The following MYOM2 variants were observed in gnomAD, a reference collection of about 807,000 sequenced individuals.
MYOM2 encodes myomesin 2.
Under a neutral mutation model 187.6 loss-of-function variants are expected in MYOM2, and 254 were observed. That is an observed-to-expected ratio of 1.35 (90% CI 1.22 to 1.50). The LOEUF (loss-of-function observed/expected upper bound fraction) is 1.50. MYOM2 is among the 40% of genes most tolerant of loss of function. The pLI is 0.00. For missense variants in MYOM2, 2,796 were observed against 1,924.0 expected, an observed-to-expected ratio of 1.45 and a Z score of -8.48; for synonymous variants, 981 against 753.8, an observed-to-expected ratio of 1.30 and a Z score of -4.94.
At position 2,106,474 on chromosome 8, in the gene MYOM2, C is replaced by T; in HGVS notation, c.2892-17C>T. 3.7e-6 allele frequency: 6 copies of T among 1,610,378 alleles called. No individual in the cohort carries two copies. Among genetic ancestry groups the T allele is most frequent in the Non-Finnish European group, 5.1e-6 (6 of 1,176,848 alleles). ...AACAGAAATGATCGACATTCACCTA[C>T]TCTTCTTCCTTTTTAGCTCCAAGCT... On this transcript the variant is annotated splice_polypyrimidine_tract_variant and intron_variant, in intron 22 of 36. Coordinates refer to ENST00000262113, the MANE Select transcript of MYOM2 (RefSeq NM_003970.4).
At chr8:2,093,157 C>G (rs906853975) in intron 16 of MYOM2, among the ~76,000 whole-genome samples, 4 of 152,136 alleles carry the variant, frequency 2.6e-5, no homozygotes, top group Admixed American at 6.5e-5. Flanking sequence ...TCAATTATGG[C>G]TCAGCCATTT....
chr8:2,086,875 C>T (rs563187626), intron 14 of MYOM2, among the ~76,000 whole-genome samples: 20 of 152,142 alleles, frequency 1.3e-4, no homozygotes, highest in African/African-American at 3.9e-4. Context: ...GGGTGGCAAT[C>T]GTGTAGAGGA....
chr8:2,097,383 G>T (rs536423574), intron 18 of MYOM2, among the ~76,000 whole-genome samples: 2 of 152,024 alleles, frequency 1.3e-5, no homozygotes, highest in African/African-American at 4.8e-5. Context: ...ATAATTGTAC[G>T]TATGGGGTAC....
intron 21 of MYOM2, among the ~76,000 whole-genome samples, chr8:2,103,323 G>A (rs1456272213): frequency 6.6e-6 from 1 of 151,718 alleles, no homozygotes; most frequent in East Asian, 1.9e-4. Flanking sequence ...GAGTGGGAGA[G>A]TGTACATATA....
intron 31 of MYOM2, among the ~76,000 whole-genome samples, chr8:2,125,711 G>A (rs1563073152): frequency 7.0e-6 from 1 of 143,732 alleles, no homozygotes; most frequent in East Asian, 2.2e-4. Context: ...GGGTTCAAGC[G>A]ATTTTCCTAC....
At chr8:2,072,968 C>T (rs1417748480) in intron 9 of MYOM2, among the ~76,000 whole-genome samples, 1 of 152,188 alleles carries the variant, frequency 6.6e-6, no homozygotes, top group Non-Finnish European at 1.5e-5. Context: ...ACAGTAGCCC[C>T]TTCAGCTGCA....
intron 25 of MYOM2, 129 bp downstream of exon 25, chr8:2,109,660 A>G: frequency 9.9e-7 from 1 of 1,009,818 alleles, no homozygotes. Flanking sequence ...TGGGGCATGG[A>G]AGGTTGACAA....
rs1819551359 is a variant in MYOM2 at position 2,079,578 on chromosome 8, A to C, written c.1481A>C (p.Glu494Ala). ...RRLQAVHLEGEKEIAIYQDDL... is the reference protein window; with the variant it reads ...RRLQAVHLEGAKEIAIYQDDL... ...TCCGCAGCCGTTCATTTGGAGGGAG[A>C]GAAGGAGATTGCCATTTATCAGGAT... Residue 494 changes from glutamate (E) to alanine (A), a missense_variant, in exon 13 of 37, where the codon GAG becomes GCG. Transcript: ENST00000262113. 6.2e-7 allele frequency: 1 copy of C among 1,614,116 alleles called. No homozygotes were observed.
chr8:2,096,139 C>T (rs889308592), intron 17 of MYOM2, 108 bp from the exon 18 acceptor site: 31 of 1,031,456 alleles, frequency 3.0e-5, no homozygotes, highest in South Asian at 1.6e-4. Flanking sequence ...TGTTCAGGCC[C>T]GTCTCCACGT....
rs780433658 is a variant in MYOM2, at chr8:2,096,775, G to A, written c.2313+341G>A. Among the ~76,000 whole-genome samples, 13 of 152,284 alleles carry A rather than the reference G, an allele frequency of 8.5e-5. No homozygotes were observed. In the South Asian group the frequency reaches 1.7e-3, roughly 19 times the overall value. On this transcript the variant is annotated intron_variant, in intron 18 of 36. Transcript: ENST00000262113. ...GGCAGGGACGGAGTCTCACATGTGT[G>A]CCTGAGGGGAGGGTCACGCTGAATG...
At chr8:2,088,729 G>A (rs900361107) in intron 14 of MYOM2, among the ~76,000 whole-genome samples, 6 of 152,238 alleles carry the variant, frequency 3.9e-5, no homozygotes, top group African/African-American at 1.4e-4. Flanking sequence ...GGTAATACAA[G>A]TGCATGCATC....
chr8:2,142,544 G>T (rs558195039), intron 35 of MYOM2, 147 bp downstream of exon 35: 2 of 812,388 alleles, frequency 2.5e-6, no homozygotes, highest in Non-Finnish European at 4.3e-6. Context: ...ACCACACCCT[G>T]TCCTGGAGCC....
At chr8:2,132,940 A>G (rs61215032) in intron 32 of MYOM2, among the ~76,000 whole-genome samples, 4 of 151,892 alleles carry the variant, frequency 2.6e-5, no homozygotes, top group Non-Finnish European at 5.9e-5. Flanking sequence ...TGGGAGGGGC[A>G]GTGGCTGGCC....
At chr8:2,143,483 G>T (rs374522700) in intron 36 of MYOM2, 27 bp downstream of exon 36, 15 of 1,613,868 alleles carry the variant, frequency 9.3e-6, no homozygotes, top group East Asian at 2.2e-5. Context: ...CGGCCGGGGT[G>T]GGGGTGTCAG....
intron 11 of MYOM2, among the ~76,000 whole-genome samples, chr8:2,077,478 A>G (rs746265326): frequency 3.9e-5 from 6 of 152,204 alleles, no homozygotes; most frequent in Non-Finnish European, 8.8e-5. Flanking sequence ...GTTTATGCTG[A>G]TTAAATTCTC....
In MYOM2 at chr8:2,123,619, C is replaced by A. The variant is rs778287149; in HGVS notation, c.3632C>A (p.Ser1211Tyr). The A allele has an allele frequency of 3.1e-6, 5 of 1,614,014 alleles. No individual in the cohort carries two copies. In the Middle Eastern group the frequency reaches 4.9e-4, roughly 159 times the overall value. The change falls in exon 30 of 37, where the codon TCC becomes TAC. Residue 1211 changes from serine to tyrosine, a missense_variant. Transcript: ENST00000262113. ...TLKDDRGQDVSILEIAGKVYD... is the reference protein window; with the variant it reads ...TLKDDRGQDVYILEIAGKVYD... ...AAAGATGACAGAGGCCAAGATGTGT[C>A]CATCCTTGAAATAGCTGGCAAAGGT...
At chr8:2,081,755 C>A (rs546729055) in intron 13 of MYOM2, 1 of 152,502 alleles carries the variant, frequency 6.6e-6, no homozygotes, top group Non-Finnish European at 1.5e-5. Flanking sequence ...ACACGAAGCC[C>A]GCTGTTCATG....
chr8:2,100,598 A>G, intron 19 of MYOM2: 1 of 441,322 alleles, frequency 2.3e-6, no homozygotes, highest in Admixed American at 3.5e-5. Context: ...CCTCTCTGTG[A>G]TCGCATCTGC....
In MYOM2 at chr8:2,123,580, A is replaced by G. The variant is rs1411763047; in HGVS notation, c.3593A>G (p.Tyr1198Cys). Reference sequence around the variant, plus strand: ...TTGTCAAAGAAGGACCACGGTGAATACAAGGCAACCTTGAAAGATGACAGA... The same window carrying G: ...TTGTCAAAGAAGGACCACGGTGAATGCAAGGCAACCTTGAAAGATGACAGA... ...PKLSKKDHGE[Y>C]KATLKDDRGQ... The change falls in exon 30 of 37, where the codon TAC becomes TGC. Residue 1198 changes from tyrosine (Y) to cysteine (C), a missense_variant. Transcript: ENST00000262113. The G allele has an allele frequency of 4.3e-6, 7 of 1,614,088 alleles. No homozygotes were observed. In the East Asian group the frequency reaches 6.7e-5, roughly 15 times the overall value.
Sources: gnomAD v4.1 joint callset for allele counts (sites outside exome capture counted in the v4.1 genomes callset) on GRCh38, gnomAD v4.1.1 for gene constraint, MANE v1.5 for transcripts, NCBI Gene and HGNC (gene_info 2026-07-23, HGNC 2026-07-21) for gene names.